C12orf42: variants seen among roughly 807,000 people sequenced by gnomAD.
C12orf42 encodes chromosome 12 open reading frame 42, also known as uncharacterized protein C12orf42.
Under a neutral mutation model 21.6 loss-of-function variants are expected in C12orf42, and 25 were observed. That is an observed-to-expected ratio of 1.16 (90% CI 0.84 to 1.62). C12orf42 has a LOEUF of 1.62. Among genes scored for constraint, C12orf42 ranks in the 40% most tolerant of loss-of-function variants. The pLI is 0.00. For synonymous variants in C12orf42, 174 were observed against 175.0 expected (o/e 0.99, Z 0.05); for missense variants, 483 against 459.3 (o/e 1.05, Z -0.47).
chr12:103,452,215 C>A (rs549423742), intron 2 of C12orf42, among the ~76,000 whole-genome samples: 9 of 152,080 alleles, frequency 5.9e-5, no homozygotes, highest in Admixed American at 1.3e-4. Flanking sequence ...AGGTTTTTCA[C>A]ATCTAATAGG....
intron 2 of C12orf42, among the ~76,000 whole-genome samples, chr12:103,465,407 T>C (rs2137758387): frequency 6.6e-6 from 1 of 152,278 alleles, no homozygotes; most frequent in East Asian, 1.9e-4. Context: ...GCTTGTCAAT[T>C]GTTGGTGTAT....
the C12orf42 span, among the ~76,000 whole-genome samples, chr12:103,138,178 T>G: frequency 1.3e-5 from 2 of 152,320 alleles, no homozygotes; most frequent in East Asian, 3.9e-4. Flanking sequence ...AAAAAATCCC[T>G]TTCTGAGATG....
rs796852731 is a variant in C12orf42 at position 103,371,632 on chromosome 12, G to A, written c.148-2634C>T. 2.0e-5 allele frequency among the ~76,000 whole-genome samples: 3 copies of A among 152,240 alleles called. No individual in the cohort carries two copies. In the South Asian group the frequency reaches 6.2e-4, roughly 32 times the overall value. On this transcript the variant is annotated intron_variant, in intron 3 of 5. Transcript: ENST00000548883. Reference sequence around the variant, plus strand: ...GGAACAGCAGCGATTCCAAGAGAGGGCTTGAGAGAAAGTGAGACAAAAATT... The same window carrying A: ...GGAACAGCAGCGATTCCAAGAGAGGACTTGAGAGAAAGTGAGACAAAAATT...
In C12orf42 at chr12:103,306,180, A is replaced by C; in HGVS notation, c.425T>G (p.Leu142Trp). 6.2e-7 allele frequency: 1 copy of C among 1,613,928 alleles called. No homozygotes were observed. Among genetic ancestry groups the C allele is most frequent in the Non-Finnish European group, 8.5e-7 (1 of 1,179,870 alleles). Reference sequence around the variant, plus strand: ...AGTTTCTCCTCTGGCAGTAAAAATCAATGGGGCCTCATCAGTTTCACTGGA... The same window carrying C: ...AGTTTCTCCTCTGGCAGTAAAAATCCATGGGGCCTCATCAGTTTCACTGGA... Reference protein sequence around the residue: ...APSSETDEAPLIFTARGETEE... With the variant: ...APSSETDEAPWIFTARGETEE... The change falls in exon 5 of 6, where the codon TTG becomes TGG. Residue 142 changes from leucine to tryptophan, a missense_variant. Leu to Trp is a moderately conservative substitution (Grantham distance 61, BLOSUM62 -2). Transcript: ENST00000548883.
At chr12:103,468,275 C>T (rs1215980028) in intron 2 of C12orf42, among the ~76,000 whole-genome samples, 1 of 152,190 alleles carries the variant, frequency 6.6e-6, no homozygotes, top group Non-Finnish European at 1.5e-5. Context: ...AAAATGCTAA[C>T]ATTCAAAGAG....
chr12:103,233,488 G>T (rs2033370329), downstream of C12orf42, among the ~76,000 whole-genome samples: 1 of 152,084 alleles, frequency 6.6e-6, no homozygotes. Flanking sequence ...TTAGTTCTTT[G>T]ATTTCCTTCA....
the C12orf42 span, among the ~76,000 whole-genome samples, chr12:103,080,448 T>A: frequency 6.6e-6 from 1 of 152,208 alleles, no homozygotes; most frequent in South Asian, 2.1e-4. Context: ...CTAAGGATCA[T>A]CATTAATACA....
the C12orf42 span, among the ~76,000 whole-genome samples, chr12:103,142,693 G>A: frequency 5.3e-5 from 8 of 152,152 alleles, no homozygotes; most frequent in African/African-American, 1.9e-4. Context: ...CAGGGGGATA[G>A]CAGTCACTGT....
the C12orf42 span, among the ~76,000 whole-genome samples, chr12:103,100,375 T>C: frequency 6.6e-6 from 1 of 152,220 alleles, no homozygotes; most frequent in African/African-American, 2.4e-5. Context: ...GATGGCGGGC[T>C]CCTGCCGACA....
In C12orf42 at chr12:103,292,797, G is replaced by T. The variant is rs139197814; in HGVS notation, n.338-15587C>A. On this transcript the variant is annotated intron_variant and non_coding_transcript_variant, in intron 4 of 6. Transcript: ENST00000546526. ...TCATGCATATATTCTGAAATCTAAA[G>T]AAAATATATCCCTAAATAGTCTATT... Among the ~76,000 whole-genome samples the T allele has an allele frequency of 2.2e-3, 331 of 152,018 alleles. 2 individuals are homozygous for T. Among genetic ancestry groups the T allele is most frequent in the African/African-American group, 7.5e-3 (313 of 41,488 alleles).
At chr12:103,233,276 T>C (rs1019160021), downstream of C12orf42, among the ~76,000 whole-genome samples, 1 of 152,226 alleles carries the variant, frequency 6.6e-6, no homozygotes, top group African/African-American at 2.4e-5. Context: ...AACTTTGTTC[T>C]TTTCTTTCAG....
At chr12:103,403,417 T>C (rs961327150) in intron 2 of C12orf42, among the ~76,000 whole-genome samples, 3 of 150,496 alleles carry the variant, frequency 2.0e-5, no homozygotes, top group Non-Finnish European at 2.9e-5. Context: ...GGCACTATCC[T>C]GTCATCCCAA....
At chr12:103,273,858 A>G (rs1221350150) in intron 5 of C12orf42, 3 of 456,262 alleles carry the variant, frequency 6.6e-6, no homozygotes, top group Middle Eastern at 3.2e-4. Context: ...CACTCACAGC[A>G]GGTCTCCTCA....
chr12:103,376,312 C>A (rs542509110), intron 3 of C12orf42, among the ~76,000 whole-genome samples: 3 of 152,182 alleles, frequency 2.0e-5, no homozygotes, highest in Non-Finnish European at 4.4e-5. Context: ...GAAAAGAAAA[C>A]CAAACACCGC....
chr12:103,093,566 A>G, the C12orf42 span, among the ~76,000 whole-genome samples: 3 of 152,132 alleles, frequency 2.0e-5, no homozygotes, highest in Admixed American at 6.5e-5. Context: ...GGTGAGAGGA[A>G]CAAAGGGGAT....
At chr12:103,314,379 T>A (rs1349113855) in intron 4 of C12orf42, among the ~76,000 whole-genome samples, 1 of 152,184 alleles carries the variant, frequency 6.6e-6, no homozygotes, top group Non-Finnish European at 1.5e-5. Context: ...GGTAGTTTTT[T>A]ACAGTGAATC....
the C12orf42 span, among the ~76,000 whole-genome samples, chr12:103,561,451 A>T: frequency 4.1e-4 from 63 of 152,286 alleles, 1 homozygote; most frequent in South Asian, 0.013. Context: ...GGTTGCAGAC[A>T]TCCAACTTAT....
intron 2 of C12orf42, among the ~76,000 whole-genome samples, chr12:103,428,376 G>T (rs899815247): frequency 6.6e-6 from 1 of 152,164 alleles, no homozygotes; most frequent in Non-Finnish European, 1.5e-5. Context: ...AGAAGAAATG[G>T]ATAAATTTCT....
At chr12:103,515,465 G>A in the C12orf42 span, among the ~76,000 whole-genome samples, 2 of 152,208 alleles carry the variant, frequency 1.3e-5, no homozygotes, top group Admixed American at 6.5e-5. Flanking sequence ...TTGCTTTGGG[G>A]AGGAAAATTC....
Sources: gnomAD v4.1 joint callset for allele counts (sites outside exome capture counted in the v4.1 genomes callset) on GRCh38, gnomAD v4.1.1 for gene constraint, MANE v1.5 for transcripts, NCBI Gene and HGNC (gene_info 2026-07-23, HGNC 2026-07-21) for gene names.